UBE4B: variants seen among roughly 807,000 people sequenced by gnomAD.
UBE4B encodes the protein ubiquitin conjugation factor E4 B.
In UBE4B, 27 loss-of-function variants were observed where a neutral mutation model predicts 148.1. The observed-to-expected ratio is 0.18, with a 90% CI of 0.13 to 0.25. UBE4B has a LOEUF of 0.25. UBE4B is among the 10% of genes least tolerant of loss of function. The pLI is 1.00. For missense variants in UBE4B, 1,170 were observed against 1,662.4 expected (o/e 0.70, Z 5.15); for synonymous variants, 596 against 619.3 (o/e 0.96, Z 0.56).
chr1:10,172,531 TAA>T (rs1646353961), intron 25 of UBE4B, among the ~76,000 whole-genome samples: 1 of 152,156 alleles, frequency 6.6e-6, no homozygotes. Context: ...GCTGTCCACT[TAA>T]AATGCCCACA....
intron 1 of UBE4B, among the ~76,000 whole-genome samples, chr1:10,040,863 G>C (rs929551312): frequency 6.6e-6 from 1 of 151,934 alleles, no homozygotes; most frequent in Non-Finnish European, 1.5e-5. Context: ...TAGGTGATCT[G>C]CCTGCCTCAG....
chr1:10,147,313 C>T (rs1645891085), intron 19 of UBE4B, among the ~76,000 whole-genome samples: 1 of 152,096 alleles, frequency 6.6e-6, no homozygotes, highest in South Asian at 2.1e-4. Flanking sequence ...GCCAACATGG[C>T]GAAACCGTGT....
chr1:10,148,644 AAAATC>A (rs1318962737), intron 19 of UBE4B, among the ~76,000 whole-genome samples: 1 of 148,870 alleles, frequency 6.7e-6, no homozygotes, highest in Non-Finnish European at 1.5e-5. Flanking sequence ...AAAAAAAAAA[AAAATC>A]AAGAAAAGGG....
chr1:10,161,999 C>CTTTTTTTTTTTTTTTTTT lies in UBE4B; in HGVS notation c.3198+729_3198+730insTTTTTTTTTTTTTTTTTT, dbSNP rs764089127. ...GGGGACTGCTTTTTCTTCACTTTTT[C>CTTTTTTTTTTTTTTTTTT]TTTTTTTTTTTTTTTTGAGACGGAG... On this transcript the variant is annotated intron_variant, in intron 23 of 27. Transcript: ENST00000343090. This position sits in a 1 kb window ranked among gnomAD's most constrained non-coding sequence, Gnocchi z 4.1. Among the ~76,000 whole-genome samples, 2 of 137,262 alleles carry CTTTTTTTTTTTTTTTTTT rather than the reference C, an allele frequency of 1.5e-5. No individual in the cohort carries two copies. Among genetic ancestry groups the CTTTTTTTTTTTTTTTTTT allele is most frequent in the African/African-American group, 5.3e-5 (2 of 37,436 alleles). The allele number at this position is 137,262 out of a possible 152,430, so 90.0% of individuals were successfully genotyped here.
Position 10,168,181 on chromosome 1 carries a change from G to T in UBE4B, c.3244G>T (p.Val1082Leu), listed in dbSNP as rs1246619063. The part of the protein sequence containing the change: ...RQSQLAQDER[V>L]SRSYLALATE... Reference sequence around the variant, plus strand: ...GTCTCAGCTTGCTCAGGATGAGCGTGTGTCCCGCTCTTACCTCGCCCTGGC... The same window carrying T: ...GTCTCAGCTTGCTCAGGATGAGCGTTTGTCCCGCTCTTACCTCGCCCTGGC... The change falls in exon 24 of 28, where the codon GTG becomes TTG. Residue 1082 changes from valine (V) to leucine (L), a missense_variant. Coordinates refer to ENST00000343090, the MANE Select transcript of UBE4B (RefSeq NM_001105562.3). The surrounding 1 kb of genome is among the most constrained non-coding windows in gnomAD (Gnocchi z 4.9). The T allele has an allele frequency of 1.2e-6, 2 of 1,614,164 alleles. No homozygotes were observed. Among genetic ancestry groups the T allele is most frequent in the Admixed American group, 1.7e-5 (1 of 60,010 alleles).
intron 19 of UBE4B, 39 bp downstream of exon 19, chr1:10,147,129 G>A (rs922911056): frequency 6.2e-7 from 1 of 1,612,982 alleles, no homozygotes; most frequent in Admixed American, 1.7e-5. Flanking sequence ...TCCCTCCTTG[G>A]CTGGGCTCTG....
In UBE4B at chr1:10,106,986, A is replaced by T. The variant is rs1025799767; in HGVS notation, c.1196+403A>T. Among the ~76,000 whole-genome samples, 1 of 152,032 alleles carries T rather than the reference A, an allele frequency of 6.6e-6. No homozygotes were observed. Among genetic ancestry groups the T allele is most frequent in the Non-Finnish European group, 1.5e-5 (1 of 68,026 alleles). On this transcript the variant is annotated intron_variant, in intron 7 of 27. Coordinates refer to ENST00000343090, the MANE Select transcript of UBE4B (RefSeq NM_001105562.3). This position sits in a 1 kb window ranked among gnomAD's most constrained non-coding sequence, Gnocchi z 4.2. ...TGTCCTGACGTGTTGAGTTTTAGTT[A>T]TATGTAAGTTCAGTCTCTTAGAAGG...
At chr1:10,112,582 T>C (rs1645239597) in intron 7 of UBE4B, among the ~76,000 whole-genome samples, 1 of 152,172 alleles carries the variant, frequency 6.6e-6, no homozygotes, top group African/African-American at 2.4e-5. Context: ...GTATTTTTAG[T>C]AGAGACAGGA....
intron 3 of UBE4B, among the ~76,000 whole-genome samples, chr1:10,100,424 T>TA (rs1161061080): frequency 6.6e-6 from 1 of 152,194 alleles, no homozygotes; most frequent in Admixed American, 6.5e-5. Flanking sequence ...ACTTCTGGGC[T>TA]AAAGTGATCC....
rs1646485424 is a variant in UBE4B, at chr1:10,180,115, C to T, written c.*159C>T. On this transcript the variant is annotated 3_prime_UTR_variant, in exon 28 of 28. Transcript: ENST00000343090. ...GAGCAAACGCTGAGACCTGAAAGGA[C>T]ATGGATGAGAAGAGGAGCCCGCTTC... 5.1e-6 allele frequency: 4 copies of T among 781,490 alleles called. No homozygotes were observed. The South Asian group carries it at 5.2e-5, about 10-fold the overall frequency. The allele number at this position is 781,490 out of a possible 1,614,324, so 48.4% of individuals were successfully genotyped here. A position where few individuals can be genotyped will look rare whatever the true frequency, so the allele number is the denominator to read the frequency against.
intron 1 of UBE4B, among the ~76,000 whole-genome samples, chr1:10,042,439 G>A (rs1643808711): frequency 6.6e-6 from 1 of 151,948 alleles, no homozygotes. Flanking sequence ...ACGAGGTCAG[G>A]AGTTCGAGAC....
chr1:10,062,092 T>G (rs1199244846), intron 1 of UBE4B, among the ~76,000 whole-genome samples: 1 of 151,784 alleles, frequency 6.6e-6, no homozygotes, highest in Non-Finnish European at 1.5e-5. Flanking sequence ...GTATTTTTAG[T>G]AGAGACGGTG....
At chr1:10,129,137 T>G (rs1177883389) in intron 11 of UBE4B, 4 of 428,188 alleles carry the variant, frequency 9.3e-6, no homozygotes, top group Non-Finnish European at 1.7e-5. Context: ...TCAATAGAGG[T>G]TATCTTTGAG....
chr1:10,167,165 C>T (rs1259297973), intron 23 of UBE4B, among the ~76,000 whole-genome samples: 1 of 151,460 alleles, frequency 6.6e-6, no homozygotes, highest in Non-Finnish European at 1.5e-5. Flanking sequence ...GAGGGCCGGG[C>T]ACGGTGGCTT....
intron 14 of UBE4B, among the ~76,000 whole-genome samples, chr1:10,131,952 C>CA (rs60067828): frequency 0.021 from 2,860 of 134,690 alleles, 93 homozygotes; most frequent in African/African-American, 0.07. Flanking sequence ...AACTCCGTCT[C>CA]AAAAAAAAAA....
intron 1 of UBE4B, among the ~76,000 whole-genome samples, chr1:10,063,493 G>A (rs764713982): frequency 2.6e-5 from 4 of 152,138 alleles, no homozygotes; most frequent in African/African-American, 4.8e-5. Context: ...GCCAAGTTCT[G>A]TTGGGAACAC....
chr1:10,058,355 A>G (rs1212579344), intron 1 of UBE4B, among the ~76,000 whole-genome samples: 1 of 151,910 alleles, frequency 6.6e-6, no homozygotes, highest in Non-Finnish European at 1.5e-5. Flanking sequence ...GTCTGTTTCC[A>G]CTCTGTCATA....
chr1:10,047,488 C>CTTTTTTTTTT (rs952378949), intron 1 of UBE4B, among the ~76,000 whole-genome samples: 1 of 116,028 alleles, frequency 8.6e-6, no homozygotes, highest in Non-Finnish European at 1.7e-5. Flanking sequence ...CTTCATATAT[C>CTTTTTTTTTT]TTTTTTTTTT....
In UBE4B at chr1:10,137,201, A is replaced by G. The variant is rs1645701842; in HGVS notation, c.2359A>G (p.Asn787Asp). The G allele has an allele frequency of 1.9e-6, 3 of 1,613,960 alleles. No homozygotes were observed. Among genetic ancestry groups the G allele is most frequent in the African/African-American group, 1.3e-5 (1 of 74,924 alleles). ...IRRLRAIREL[N>D]RTVEDLKNNE... ...CAGACTCCGGGCTATCCGGGAGCTC[A>G]ATAGGTATGTGCCATGATACCGTGT... Residue 787 changes from asparagine (N) to aspartate (D), a missense_variant, in exon 17 of 28, where the codon AAT (asparagine) becomes GAT (aspartate). Physicochemically the swap from Asn to Asp is conservative, Grantham distance 23. Transcript: ENST00000343090.
Sources: allele counts gnomAD v4.1 joint callset (sites outside exome capture counted in the v4.1 genomes callset), GRCh38; gene constraint gnomAD v4.1.1; non-coding constraint Gnocchi (gnomAD v3.1); transcripts MANE v1.5; gene names NCBI Gene and HGNC (gene_info 2026-07-23, HGNC 2026-07-21).